SKIC3: variants seen among roughly 807,000 people sequenced by gnomAD.
SKIC3 encodes superkiller complex protein 3.
the SKIC3 span, chr5:95,503,749 A>G: frequency 1.9e-6 from 3 of 1,602,596 alleles, no homozygotes; most frequent in South Asian, 1.1e-5. Flanking sequence ...ATCTTTCTGT[A>G]TGTGTGCTCA....
chr5:95,520,681 A>C, the SKIC3 span: 1 of 1,534,038 alleles, frequency 6.5e-7, no homozygotes, highest in South Asian at 1.2e-5. Flanking sequence ...TTAATATTAC[A>C]AAAATAAACA....
chr5:95,510,622 T>G, the SKIC3 span, among the ~76,000 whole-genome samples: 1 of 152,260 alleles, frequency 6.6e-6, no homozygotes, highest in East Asian at 1.9e-4. Flanking sequence ...GAAGACAGCT[T>G]CAACTCCCTA....
chr5:95,509,559 TC>T, the SKIC3 span: 8 of 1,478,632 alleles, frequency 5.4e-6, no homozygotes, highest in Non-Finnish European at 6.6e-6. Flanking sequence ...CCCCTCATCT[TC>T]CTCCTGCATC....
chr5:95,488,953 T>C, the SKIC3 span, among the ~76,000 whole-genome samples: 1 of 151,962 alleles, frequency 6.6e-6, no homozygotes, highest in Non-Finnish European at 1.5e-5. Context: ...TGAAAATATA[T>C]GGATTAGCTG....
chr5:95,547,014 T>C, the SKIC3 span: 9 of 1,555,294 alleles, frequency 5.8e-6, no homozygotes, highest in Non-Finnish European at 8.0e-6. Context: ...ACAATGTTTA[T>C]AAATGGGTAA....
chr5:95,482,382 A>G, the SKIC3 span: 1 of 1,346,944 alleles, frequency 7.4e-7, no homozygotes, highest in Non-Finnish European at 1.1e-6. Flanking sequence ...GAGTGACAGC[A>G]AGCCAAATAA....
At chr5:95,491,307 G>C in the SKIC3 span, among the ~76,000 whole-genome samples, 1 of 152,120 alleles carries the variant, frequency 6.6e-6, no homozygotes, top group East Asian at 1.9e-4. Context: ...CAGCTGCCTA[G>C]AGTGCTGTAT....
the SKIC3 span, chr5:95,517,465 C>T: frequency 1.1e-6 from 1 of 932,114 alleles, no homozygotes; most frequent in Admixed American, 2.6e-5. Flanking sequence ...ATATCACCTC[C>T]CTAATAGGAA....
chr5:95,492,412 G>A, the SKIC3 span, among the ~76,000 whole-genome samples: 1 of 150,978 alleles, frequency 6.6e-6, no homozygotes, highest in African/African-American at 2.4e-5. Context: ...CGAGGCGGGC[G>A]GATCACGAGG....
At chr5:95,539,878 G>A in the SKIC3 span, among the ~76,000 whole-genome samples, 8 of 149,758 alleles carry the variant, frequency 5.3e-5, no homozygotes, top group South Asian at 2.1e-4. Flanking sequence ...GTAGAACTAC[G>A]ATTTGATCCA....
At chr5:95,505,880 G>T in the SKIC3 span, among the ~76,000 whole-genome samples, 1 of 151,216 alleles carries the variant, frequency 6.6e-6, no homozygotes, top group Non-Finnish European at 1.5e-5. Context: ...TAATTTGATT[G>T]GTGACTTTTC....
chr5:95,471,774 C>T, the SKIC3 span, among the ~76,000 whole-genome samples: 2 of 152,106 alleles, frequency 1.3e-5, no homozygotes, highest in African/African-American at 4.8e-5. Flanking sequence ...GTGCCAAGCT[C>T]TCCAGGGTTG....
At chr5:95,491,815 A>G in the SKIC3 span, among the ~76,000 whole-genome samples, 1 of 152,162 alleles carries the variant, frequency 6.6e-6, no homozygotes, top group African/African-American at 2.4e-5. Context: ...TTACTTCAGC[A>G]AGTTAATATT....
the SKIC3 span, among the ~76,000 whole-genome samples, chr5:95,489,845 T>C: frequency 6.6e-5 from 10 of 152,238 alleles, no homozygotes; most frequent in Non-Finnish European, 1.3e-4. Context: ...AATAACTATG[T>C]TATAGGTATT....
chr5:95,482,130 A>G, the SKIC3 span, among the ~76,000 whole-genome samples: 1 of 152,246 alleles, frequency 6.6e-6, no homozygotes, highest in Non-Finnish European at 1.5e-5. Flanking sequence ...GAAACTATAC[A>G]TATCTCCTGT....
At chr5:95,494,799 TAAGAG>T in the SKIC3 span, 4 of 1,613,450 alleles carry the variant, frequency 2.5e-6, no homozygotes, top group Admixed American at 5.0e-5. Context: ...GCCTTCTAAA[TAAGAG>T]AAAAGATGTT....
chr5:95,516,920 A>G, the SKIC3 span: 5 of 1,597,782 alleles, frequency 3.1e-6, no homozygotes, highest in East Asian at 2.3e-5. Flanking sequence ...CCATACATGT[A>G]AAGATTTCTC....
At chr5:95,525,392 C>T in the SKIC3 span, 2 of 1,613,182 alleles carry the variant, frequency 1.2e-6, no homozygotes, top group Non-Finnish European at 1.7e-6. Context: ...ATTTATATAT[C>T]CTTACCATTT....
the SKIC3 span, chr5:95,517,302 T>A: frequency 6.2e-7 from 1 of 1,613,078 alleles, no homozygotes; most frequent in Admixed American, 1.7e-5. Context: ...GCAGGACACA[T>A]CAGCTCGATG....
Sources: gnomAD v4.1 joint callset for allele counts (sites outside exome capture counted in the v4.1 genomes callset) on GRCh38, gnomAD v4.1.1 for gene constraint, MANE v1.5 for transcripts, NCBI Gene and HGNC (gene_info 2026-07-23, HGNC 2026-07-21) for gene names.